The following NR5A1 variants were observed in gnomAD, a reference collection of about 807,000 sequenced individuals.
NR5A1 encodes the protein nuclear receptor subfamily 5 group A member 1.
A neutral mutation model predicts 42.7 loss-of-function variants in NR5A1; 6 were observed. The observed-to-expected ratio is 0.14, with a 90% CI of 0.08 to 0.28. The LOEUF is 0.28. NR5A1 is among the 10% of genes least tolerant of loss of function. The pLI is 1.00. For missense variants in NR5A1, 442 were observed against 626.4 expected (o/e 0.71, Z 3.14); for synonymous variants, 274 against 277.5 (o/e 0.99, Z 0.12).
At chr9:124,505,110 G>C (rs1588624726) in intron 1 of NR5A1, among the ~76,000 whole-genome samples, 1 of 152,124 alleles carries the variant, frequency 6.6e-6, no homozygotes, top group East Asian at 1.9e-4. Flanking sequence ...AGTCCAGCTC[G>C]AGTCTTCGCC....
chr9:124,483,631 C>T (rs534323488), intron 6 of NR5A1, among the ~76,000 whole-genome samples: 20 of 152,338 alleles, frequency 1.3e-4, no homozygotes, highest in East Asian at 9.7e-4. Flanking sequence ...CCCCCTGGCA[C>T]GATCAAAGCC....
Position 124,484,834 on chromosome 9 carries a change from C to T in NR5A1, c.1139-1829G>A, listed in dbSNP as rs1363145590. Among the ~76,000 whole-genome samples, 8 of 152,070 alleles carry T rather than the reference C, an allele frequency of 5.3e-5. No individual in the cohort carries two copies. The South Asian group carries it at 6.2e-4, about 12-fold the overall frequency. On this transcript the variant is annotated intron_variant, in intron 6 of 6. Transcript: ENST00000373588. Reference sequence around the variant, plus strand: ...CATGGGAAGACAGGGGCAAACAGGACGACCCGCATTAAACATCAAGGAAGG... The same window carrying T: ...CATGGGAAGACAGGGGCAAACAGGATGACCCGCATTAAACATCAAGGAAGG...
rs143268559 is a variant in NR5A1, at chr9:124,506,022, A to C, written c.-16+1227T>G. The stretch of plus-strand genomic sequence containing the variant: ...GATCTTCAAGCAGGAAAATACCGCA[A>C]TTTTGCATTGACAGCGGCGCAACCC... On this transcript the variant is annotated intron_variant, in intron 1 of 6. Coordinates refer to ENST00000373588, the MANE Select transcript of NR5A1 (RefSeq NM_004959.5). Among the ~76,000 whole-genome samples, 477 of 152,244 alleles carry C rather than the reference A, an allele frequency of 3.1e-3. 3 individuals are homozygous for C. The highest frequency in any genetic ancestry group is 5.1e-3 in the Non-Finnish European group (344 of 68,012).
chr9:124,491,677 TCA>T (rs141470926), intron 5 of NR5A1, among the ~76,000 whole-genome samples: 6 of 149,656 alleles, frequency 4.0e-5, no homozygotes, highest in South Asian at 2.1e-4. Context: ...CAGCTCAGAG[TCA>T]CACACACACA....
chr9:124,499,113 G>A (rs1288409250), intron 4 of NR5A1, among the ~76,000 whole-genome samples: 1 of 152,202 alleles, frequency 6.6e-6, no homozygotes, highest in Non-Finnish European at 1.5e-5. Context: ...CAATAGCCCT[G>A]GGTGAAAGAG....
At chr9:124,490,162 T>C (rs1433255947) in intron 6 of NR5A1, among the ~76,000 whole-genome samples, 1 of 152,100 alleles carries the variant, frequency 6.6e-6, no homozygotes, top group African/African-American at 2.4e-5. Flanking sequence ...AAACTCCTAC[T>C]CATCCTCCAA....
At position 124,490,433 on chromosome 9, in the gene NR5A1, A is replaced by AC. The variant is rs147340099; in HGVS notation, c.1138+647dup. Reference sequence around the variant, plus strand: ...GGGTCAGGAGGGCAACGGGAAGGAGACCCCCCAAGTGCTTGGGGAGTGAGG... The same window carrying AC: ...GGGTCAGGAGGGCAACGGGAAGGAGACCCCCCCAAGTGCTTGGGGAGTGAGG... On this transcript the variant is annotated intron_variant, in intron 6 of 6. Transcript: ENST00000373588. Among the ~76,000 whole-genome samples, 697 of 151,260 alleles carry AC rather than the reference A, an allele frequency of 4.6e-3. 2 individuals carry two copies. Among genetic ancestry groups the AC allele is most frequent in the Non-Finnish European group, 7.3e-3 (492 of 67,794 alleles).
intron 6 of NR5A1, among the ~76,000 whole-genome samples, chr9:124,485,394 G>A (rs914814977): frequency 2.6e-5 from 4 of 152,154 alleles, no homozygotes; most frequent in Non-Finnish European, 4.4e-5. Context: ...TGCACCAGGA[G>A]AGCGCCACGC....
chr9:124,504,052 CGA>C (rs887296282), intron 1 of NR5A1, among the ~76,000 whole-genome samples: 222 of 102,546 alleles, frequency 2.2e-3, no homozygotes, highest in Middle Eastern at 4.5e-3. Context: ...GAGAGAGAGA[CGA>C]GAGAGAGAGA....
At chr9:124,495,841 G>T (rs1027790322) in intron 4 of NR5A1, among the ~76,000 whole-genome samples, 1 of 152,244 alleles carries the variant, frequency 6.6e-6, no homozygotes, top group African/African-American at 2.4e-5. Context: ...CAGTGAGGCT[G>T]ATAGGGGTGC....
intron 6 of NR5A1, among the ~76,000 whole-genome samples, chr9:124,488,232 GT>G (rs1832252396): frequency 6.6e-6 from 1 of 152,080 alleles, no homozygotes; most frequent in African/African-American, 2.4e-5. Context: ...TAGCCAAGTG[GT>G]GCTGGTTTCT....
At position 124,482,701 on chromosome 9, in the gene NR5A1, CGCCCAGGCCCCG is replaced by C; in HGVS notation, c.*45_*56del. ...GGAGCCAGCGGTGTGGCTGCGGCCC[CGCCCAGGCCCCG>C]CCCCCAGTCCCGCCCCCAGTCCCGG... On this transcript the variant is annotated 3_prime_UTR_variant, in exon 7 of 7. Transcript: ENST00000373588. 5.7e-5 allele frequency: 40 copies of C among 701,232 alleles called. No homozygotes were observed. Among genetic ancestry groups the C allele is most frequent in the Admixed American group, 5.1e-4 (22 of 43,194 alleles). The allele number at this position is 701,232 out of a possible 1,614,324, so 43.4% of individuals were successfully genotyped here. A position where few individuals can be genotyped will look rare whatever the true frequency, so the allele number is the denominator to read the frequency against.
chr9:124,484,674 A>T (rs1207954135), intron 6 of NR5A1, among the ~76,000 whole-genome samples: 1 of 152,130 alleles, frequency 6.6e-6, no homozygotes, highest in Admixed American at 6.5e-5. Flanking sequence ...GAATCAGGTG[A>T]ACCCGGGAGG....
chr9:124,488,719 G>A (rs1236813252), intron 6 of NR5A1, among the ~76,000 whole-genome samples: 1 of 152,232 alleles, frequency 6.6e-6, no homozygotes, highest in Non-Finnish European at 1.5e-5. Context: ...ACAGATGGGG[G>A]AAATAGAAGC....
Position 124,501,832 on chromosome 9 carries a change from C to T in NR5A1, c.245-1117G>A, listed in dbSNP as rs1832476707. Among the ~76,000 whole-genome samples, 1 of 152,210 alleles carries T rather than the reference C, an allele frequency of 6.6e-6. No homozygotes were observed. The highest frequency in any genetic ancestry group is 2.4e-5 in the African/African-American group (1 of 41,444). On this transcript the variant is annotated intron_variant, in intron 3 of 6. Transcript: ENST00000373588. This position sits in a 1 kb window ranked among gnomAD's most constrained non-coding sequence, Gnocchi z 4.1. ...CCACCTGGGGCTTTCTACACTGTTC[C>T]AAGACCTTAATCAACCACTGCCTGT...
intron 1 of NR5A1, among the ~76,000 whole-genome samples, chr9:124,504,430 G>C (rs983187108): frequency 6.6e-6 from 1 of 152,048 alleles, no homozygotes. Flanking sequence ...CAGAGCCGCC[G>C]GGACCCCCTC....
chr9:124,490,586 A>G (rs986663278), intron 6 of NR5A1, among the ~76,000 whole-genome samples: 1 of 152,128 alleles, frequency 6.6e-6, no homozygotes, highest in Non-Finnish European at 1.5e-5. Flanking sequence ...ACGTCTTACT[A>G]ATCATATTAT....
In NR5A1 at chr9:124,493,089, T is replaced by C; in HGVS notation, c.931A>G (p.Ile311Val). 1 of 1,611,728 alleles carries C rather than the reference T, an allele frequency of 6.2e-7. No homozygotes were observed. The highest frequency in any genetic ancestry group is 8.5e-7 in the Non-Finnish European group (1 of 1,179,560). ...TTGCCGTGCTGGACCTGGCGGTAGA[T>C]GTGGTCGAACACCAGCAGCTCGCTC... ...CWSELLVFDH[I>V]YRQVQHGKEG... Residue 311 changes from isoleucine (I) to valine (V), a missense_variant, in exon 5 of 7, where the codon ATC becomes GTC. Transcript: ENST00000373588.
intron 6 of NR5A1, 50 bp from the exon 7 acceptor site, chr9:124,483,055 A>G: frequency 6.2e-7 from 1 of 1,610,316 alleles, no homozygotes; most frequent in Non-Finnish European, 8.5e-7. Flanking sequence ...CATGCCCATC[A>G]GGGCTGGGCC....
Sources: allele counts gnomAD v4.1 joint callset (sites outside exome capture counted in the v4.1 genomes callset), GRCh38; gene constraint gnomAD v4.1.1; non-coding constraint Gnocchi (gnomAD v3.1); transcripts MANE v1.5; gene names NCBI Gene and HGNC (gene_info 2026-07-23, HGNC 2026-07-21).